PEX5L: variants seen among roughly 807,000 people sequenced by gnomAD.
PEX5L encodes the protein PEX5-related protein.
In PEX5L, 30 loss-of-function variants were observed where a neutral mutation model predicts 84.0. The observed-to-expected ratio is 0.36, with a 90% CI of 0.27 to 0.48. The LOEUF is 0.48. PEX5L is among the 20% of genes least tolerant of loss of function. The pLI, the probability that PEX5L is intolerant of heterozygous loss-of-function variation, is 0.99. For missense variants in PEX5L, 533 were observed against 754.6 expected (o/e 0.71, Z 3.44); for synonymous variants, 270 against 283.1 (o/e 0.95, Z 0.46).
At chr3:179,978,679 C>T (rs527237312) in intron 1 of PEX5L, among the ~76,000 whole-genome samples, 2 of 152,182 alleles carry the variant, frequency 1.3e-5, no homozygotes, top group Non-Finnish European at 2.9e-5. Flanking sequence ...AAAAAGCTTC[C>T]AAGATCAGAG....
intron 2 of PEX5L, among the ~76,000 whole-genome samples, chr3:179,945,920 T>C (rs997633554): frequency 6.6e-6 from 1 of 152,166 alleles, no homozygotes; most frequent in Non-Finnish European, 1.5e-5. Context: ...ATGGCATGAA[T>C]GTTATTTTGC....
intron 8 of PEX5L, among the ~76,000 whole-genome samples, chr3:179,836,764 G>A (rs1282139951): frequency 3.3e-5 from 5 of 152,116 alleles, no homozygotes; most frequent in Admixed American, 1.3e-4. Context: ...TTATTCAGGT[G>A]GTATATTTTA....
At chr3:179,973,004 A>G (rs1406833264) in intron 1 of PEX5L, among the ~76,000 whole-genome samples, 5 of 152,206 alleles carry the variant, frequency 3.3e-5, no homozygotes, top group Non-Finnish European at 1.5e-5. Flanking sequence ...ATGGAAAACA[A>G]AAAGAACAAG....
chr3:179,842,945 T>C (rs997562761), intron 8 of PEX5L, among the ~76,000 whole-genome samples: 21 of 152,060 alleles, frequency 1.4e-4, no homozygotes, highest in African/African-American at 5.1e-4. Context: ...AAGCTGGTGA[T>C]GTAAGTTCAT....
chr3:179,805,144 G>GTTTTTTTTTTTTTTTTTTT (rs1560154303), intron 14 of PEX5L, among the ~76,000 whole-genome samples: 1 of 133,310 alleles, frequency 7.5e-6, no homozygotes. Context: ...TCACTCGATG[G>GTTTTTTTTTTTTTTTTTTT]TCTTTTTTTT....
intron 2 of PEX5L, among the ~76,000 whole-genome samples, chr3:179,906,642 A>C (rs4854954): frequency 0.9 from 137,666 of 152,198 alleles, 62,303 homozygotes; most frequent in South Asian, 0.97. Context: ...AAAATGTAAT[A>C]CCAATTAAAG....
chr3:179,905,812 C>T (rs938527315), intron 2 of PEX5L, among the ~76,000 whole-genome samples: 8 of 152,164 alleles, frequency 5.3e-5, no homozygotes, highest in African/African-American at 1.9e-4. Flanking sequence ...ACTAATGAAA[C>T]TGCCTTATGA....
At chr3:179,949,470 T>C (rs921606675) in intron 2 of PEX5L, among the ~76,000 whole-genome samples, 7 of 152,214 alleles carry the variant, frequency 4.6e-5, no homozygotes, top group African/African-American at 1.7e-4. Flanking sequence ...TAGAAATTAT[T>C]TCCCTTAAAA....
At chr3:179,880,254 T>C in intron 4 of PEX5L, 131 bp from the exon 5 acceptor site, 2 of 551,742 alleles carry the variant, frequency 3.6e-6, no homozygotes, top group Non-Finnish European at 6.3e-6. Flanking sequence ...TAGCTCATCA[T>C]TGATTTATAG....
At chr3:179,918,918 A>AAAGAT (rs1490196948) in intron 2 of PEX5L, among the ~76,000 whole-genome samples, 2 of 152,182 alleles carry the variant, frequency 1.3e-5, no homozygotes, top group Admixed American at 1.3e-4. Context: ...TACGGAATGA[A>AAAGAT]AAGATAAGAT....
At chr3:179,973,769 C>G in intron 1 of PEX5L, 1 of 985,362 alleles carries the variant, frequency 1.0e-6, no homozygotes, top group African/African-American at 1.7e-5. Flanking sequence ...TGGGAAGAGG[C>G]TAGTTCAGGG....
chr3:179,859,594 A>G (rs1451349870), intron 7 of PEX5L, among the ~76,000 whole-genome samples: 1 of 152,220 alleles, frequency 6.6e-6, no homozygotes, highest in Non-Finnish European at 1.5e-5. Flanking sequence ...AAAACATAAA[A>G]GCTGCAGAAA....
chr3:180,009,083 A>T (rs931008305), intron 1 of PEX5L, among the ~76,000 whole-genome samples: 1 of 152,182 alleles, frequency 6.6e-6, no homozygotes, highest in Non-Finnish European at 1.5e-5. Flanking sequence ...GGCCAGTTTT[A>T]AAAAAACTTA....
chr3:179,837,018 A>G (rs1350130496), intron 8 of PEX5L, among the ~76,000 whole-genome samples: 2 of 152,162 alleles, frequency 1.3e-5, no homozygotes, highest in African/African-American at 4.8e-5. Context: ...AGAGAGAAAA[A>G]TTATATTTTA....
At chr3:179,823,310 T>C (rs1332697673) in intron 8 of PEX5L, among the ~76,000 whole-genome samples, 1 of 152,200 alleles carries the variant, frequency 6.6e-6, no homozygotes, top group African/African-American at 2.4e-5. Flanking sequence ...AAAACCTCTA[T>C]AATGGACTGT....
chr3:179,911,823 C>G (rs1273939099), intron 2 of PEX5L, among the ~76,000 whole-genome samples: 1 of 151,960 alleles, frequency 6.6e-6, no homozygotes, highest in African/African-American at 2.4e-5. Flanking sequence ...AATATAGAAC[C>G]ATGTTAGGAA....
chr3:179,936,587 G>T (rs1774695474), intron 2 of PEX5L, among the ~76,000 whole-genome samples: 1 of 36,578 alleles, frequency 2.7e-5, no homozygotes, highest in African/African-American at 1.0e-4. Context: ...TAACTTTCCA[G>T]ATAAACCTTC....
chr3:179,825,516 A>C (rs2109029332), intron 8 of PEX5L, among the ~76,000 whole-genome samples: 2 of 152,344 alleles, frequency 1.3e-5, no homozygotes, highest in Middle Eastern at 3.4e-3. Context: ...AAATTAATCA[A>C]ATCTCTGTGA....
At chr3:179,980,284 T>C (rs956396) in intron 1 of PEX5L, among the ~76,000 whole-genome samples, 60,000 of 151,956 alleles carry the variant, frequency 0.39, 12,559 homozygotes, top group East Asian at 0.75. Flanking sequence ...GCATTTCTAT[T>C]ATGGCTCAAA....
Sources: allele counts gnomAD v4.1 joint callset (sites outside exome capture counted in the v4.1 genomes callset), GRCh38; gene constraint gnomAD v4.1.1; transcripts MANE v1.5; gene names NCBI Gene and HGNC (gene_info 2026-07-23, HGNC 2026-07-21).